The following PCGF3 variants were observed in gnomAD, a reference collection of about 807,000 sequenced individuals.
PCGF3 encodes polycomb group ring finger 3, also known as polycomb group RING finger protein 3.
PCGF3 carries 7 observed loss-of-function variants against 33.1 expected under a neutral mutation model. The ratio of observed to expected loss-of-function variants is 0.21; its 90% CI spans 0.12 to 0.40. PCGF3 has a LOEUF of 0.40. Among genes scored for constraint, PCGF3 ranks in the 10% least tolerant of loss-of-function variants. The pLI, the probability that PCGF3 is intolerant of heterozygous loss-of-function variation, is 1.00. For missense variants in PCGF3, 211 were observed against 313.3 expected (o/e 0.67, Z 2.46); for synonymous variants, 153 against 121.3 (o/e 1.26, Z -1.72).
intron 9 of PCGF3, chr4:762,781 T>C (rs1745134515): frequency 6.6e-6 from 1 of 152,180 alleles, no homozygotes; most frequent in South Asian, 2.1e-4. Context: ...TGGAACTGAG[T>C]ACATTTCTAT....
chr4:762,227 C>T (rs1437300611), intron 9 of PCGF3: 11 of 425,874 alleles, frequency 2.6e-5, no homozygotes, highest in African/African-American at 4.3e-5. Flanking sequence ...TGAAATAATT[C>T]TGGAATATCT....
intron 5 of PCGF3, among the ~76,000 whole-genome samples, chr4:736,537 A>G (rs1181146316): frequency 0.18 from 16,634 of 93,914 alleles, 1,398 homozygotes; most frequent in African/African-American, 0.2. Flanking sequence ...CATAGGATGC[A>G]GGGAACCTGG....
intron 8 of PCGF3, among the ~76,000 whole-genome samples, chr4:755,019 CAT>C (rs1040320161): frequency 2.0e-5 from 3 of 152,328 alleles, no homozygotes; most frequent in African/African-American, 7.2e-5. Context: ...GATGTGTAGC[CAT>C]AGACAGCGAC....
At chr4:734,123 C>T (rs1390949288) in intron 4 of PCGF3, 28 of 1,550,526 alleles carry the variant, frequency 1.8e-5, no homozygotes, top group East Asian at 4.9e-5. Flanking sequence ...TCCTTAGATC[C>T]TTCAAAGGGG....
intron 8 of PCGF3, among the ~76,000 whole-genome samples, chr4:760,907 A>C (rs1183824018): frequency 6.6e-6 from 1 of 152,142 alleles, no homozygotes; most frequent in Non-Finnish European, 1.5e-5. Context: ...TGTCTCCCCG[A>C]GTGCATTCGC....
At chr4:724,730 G>A (rs530730701) in intron 1 of PCGF3, among the ~76,000 whole-genome samples, 3 of 152,170 alleles carry the variant, frequency 2.0e-5, no homozygotes, top group South Asian at 2.1e-4. Flanking sequence ...CCCGGGAGGC[G>A]GAGCTTGCAG....
chr4:761,497 T>G, intron 9 of PCGF3, 81 bp downstream of exon 9: 2 of 1,452,848 alleles, frequency 1.4e-6, no homozygotes, highest in Non-Finnish European at 1.8e-6. Context: ...TTGCTTAGTT[T>G]TGTTTTGTTT....
At chr4:741,783 G>A (rs1744103947) in intron 6 of PCGF3, among the ~76,000 whole-genome samples, 1 of 152,112 alleles carries the variant, frequency 6.6e-6, no homozygotes, top group African/African-American at 2.4e-5. Flanking sequence ...TCTTACAGGT[G>A]AAAATTAAAG....
chr4:715,041 T>C (rs1742749803), intron 1 of PCGF3, among the ~76,000 whole-genome samples: 2 of 148,516 alleles, frequency 1.3e-5, no homozygotes, highest in Non-Finnish European at 3.0e-5. Flanking sequence ...TGGGCGTCGG[T>C]GCTGGGACCC....
intron 8 of PCGF3, among the ~76,000 whole-genome samples, chr4:752,060 G>GA (rs1560213329): frequency 6.6e-6 from 1 of 152,272 alleles, no homozygotes; most frequent in African/African-American, 2.4e-5. Context: ...AAAAATACTT[G>GA]ACGGGGCCTT....
rs944559727 is a variant in PCGF3 at position 721,547 on chromosome 4, C to T, written c.-189-9083C>T. ...GTGCCTTAGGAGGCTGCGGGCGAGG[C>T]GAGGGCAGAGTGCACTCGCTGGGGG... On this transcript the variant is annotated intron_variant, in intron 1 of 10. Coordinates refer to ENST00000362003, the Ensembl canonical transcript of PCGF3. This position sits in a 1 kb window ranked among gnomAD's most constrained non-coding sequence, Gnocchi z 4.1. Among the ~76,000 whole-genome samples, 5 of 151,970 alleles carry T rather than the reference C, an allele frequency of 3.3e-5. No individual in the cohort carries two copies. Among genetic ancestry groups the T allele is most frequent in the Non-Finnish European group, 5.9e-5 (4 of 67,976 alleles).
At chr4:758,035 G>A (rs1744848702) in intron 8 of PCGF3, among the ~76,000 whole-genome samples, 1 of 151,914 alleles carries the variant, frequency 6.6e-6, no homozygotes, top group African/African-American at 2.4e-5. Flanking sequence ...GGGCATGATG[G>A]TGCGCGCCTG....
At chr4:736,195 A>G (rs79832740) in intron 5 of PCGF3, among the ~76,000 whole-genome samples, 1 of 151,982 alleles carries the variant, frequency 6.6e-6, no homozygotes, top group Non-Finnish European at 1.5e-5. Context: ...TTACAGGCGC[A>G]TGTCACCACG....
intron 1 of PCGF3, among the ~76,000 whole-genome samples, chr4:728,151 C>T (rs1181714832): frequency 1.3e-5 from 2 of 152,208 alleles, no homozygotes; most frequent in Non-Finnish European, 2.9e-5. Flanking sequence ...GCTTTAGGTG[C>T]ACCCGGTTTA....
At chr4:765,630 G>A (rs1745326172) in intron 10 of PCGF3, among the ~76,000 whole-genome samples, 1 of 152,196 alleles carries the variant, frequency 6.6e-6, no homozygotes, top group African/African-American at 2.4e-5. Flanking sequence ...CCCCTCTGAA[G>A]CAGGAAACCA....
At chr4:723,007 T>C (rs60003500) in intron 1 of PCGF3, among the ~76,000 whole-genome samples, 891 of 63,048 alleles carry the variant, frequency 0.014, 15 homozygotes, top group African/African-American at 0.06. Context: ...CGGGTCCACA[T>C]TCGCGTCATC....
chr4:724,176 G>A (rs1432215536), intron 1 of PCGF3: 1 of 152,472 alleles, frequency 6.6e-6, no homozygotes, highest in Non-Finnish European at 1.5e-5. Context: ...CCCTGGGGGT[G>A]GTCAGGCCCA....
At chr4:763,785 C>G (rs1335754807) in intron 9 of PCGF3, among the ~76,000 whole-genome samples, 5 of 152,198 alleles carry the variant, frequency 3.3e-5, no homozygotes, top group African/African-American at 9.7e-5. Context: ...TTCATAATTA[C>G]CAAAACCTGG....
intron 8 of PCGF3, among the ~76,000 whole-genome samples, chr4:755,154 T>C (rs555070605): frequency 6.6e-6 from 1 of 152,366 alleles, no homozygotes; most frequent in South Asian, 2.1e-4. Context: ...CACGGCGTTG[T>C]GTGCGTGGCA....
Sources: allele counts gnomAD v4.1 joint callset (sites outside exome capture counted in the v4.1 genomes callset), GRCh38; gene constraint gnomAD v4.1.1; non-coding constraint Gnocchi (gnomAD v3.1); transcripts MANE v1.5; gene names NCBI Gene and HGNC (gene_info 2026-07-23, HGNC 2026-07-21).